BNC2: variants seen among roughly 807,000 people sequenced by gnomAD.
BNC2 encodes the protein zinc finger protein basonuclin-2.
Under a neutral mutation model 76.3 loss-of-function variants are expected in BNC2, and 20 were observed. That is an observed-to-expected ratio of 0.26 (90% CI 0.18 to 0.38). BNC2 has a LOEUF of 0.38. BNC2 is among the 10% of genes least tolerant of loss of function. The probability of loss-of-function intolerance (pLI) is 1.00; values close to 1 mark genes in which losing one functional copy is unlikely to be tolerated. For synonymous variants in BNC2, 582 were observed against 514.8 expected, an observed-to-expected ratio of 1.13 and a Z score of -1.77; for missense variants, 1,382 against 1,399.8, an observed-to-expected ratio of 0.99 and a Z score of 0.20.
chr9:16,526,255 G>GT (rs1267181574), intron 5 of BNC2, among the ~76,000 whole-genome samples: 1 of 151,938 alleles, frequency 6.6e-6, no homozygotes, highest in East Asian at 1.9e-4. Context: ...AAAGAATATG[G>GT]TATTTTTCTG....
chr9:16,526,378 C>T (rs550103319), intron 5 of BNC2, among the ~76,000 whole-genome samples: 17 of 151,356 alleles, frequency 1.1e-4, no homozygotes, highest in Non-Finnish European at 1.9e-4. Flanking sequence ...AACATAATAC[C>T]TAACTGATTT....
At chr9:16,476,070 G>A (rs569193748) in intron 5 of BNC2, 3 of 152,258 alleles carry the variant, frequency 2.0e-5, no homozygotes, top group Admixed American at 2.0e-4. Flanking sequence ...TGATGAGAAC[G>A]AGGAGTTTTG....
chr9:16,648,456 G>A (rs963539570), intron 3 of BNC2, among the ~76,000 whole-genome samples: 1 of 152,212 alleles, frequency 6.6e-6, no homozygotes, highest in African/African-American at 2.4e-5. Context: ...AGAGATGTGT[G>A]TAATGCTGGA....
intron 3 of BNC2, among the ~76,000 whole-genome samples, chr9:16,642,705 C>T (rs1674474253): frequency 6.6e-6 from 1 of 152,168 alleles, no homozygotes; most frequent in East Asian, 1.9e-4. Flanking sequence ...TGCCTTGGGG[C>T]CACATTTTTT....
At chr9:16,532,222 G>GAA (rs57317191) in intron 5 of BNC2, among the ~76,000 whole-genome samples, 5 of 142,036 alleles carry the variant, frequency 3.5e-5, no homozygotes, top group African/African-American at 1.3e-4. Flanking sequence ...GAGACATACA[G>GAA]AAAAAAAAAA....
chr9:16,645,494 A>G (rs1278944314), intron 3 of BNC2, among the ~76,000 whole-genome samples: 1 of 152,180 alleles, frequency 6.6e-6, no homozygotes, highest in African/African-American at 2.4e-5. Flanking sequence ...TACTAAACAC[A>G]TGTACATTAC....
chr9:16,504,456 C>A (rs1822584596), intron 5 of BNC2, among the ~76,000 whole-genome samples: 1 of 151,604 alleles, frequency 6.6e-6, no homozygotes. Context: ...TACTGACTCC[C>A]AAAATAGACT....
intron 5 of BNC2, among the ~76,000 whole-genome samples, chr9:16,525,353 C>T (rs971698658): frequency 2.0e-5 from 3 of 152,034 alleles, no homozygotes; most frequent in African/African-American, 7.2e-5. Context: ...ATTCACAATA[C>T]AGATATACTA....
At chr9:16,736,633 GC>G (rs1824679539) in intron 2 of BNC2, among the ~76,000 whole-genome samples, 1 of 151,554 alleles carries the variant, frequency 6.6e-6, no homozygotes, top group African/African-American at 2.4e-5. Context: ...ACACCACCAT[GC>G]CTGGGTAATT....
At chr9:16,461,650 C>G (rs1470576079) in intron 5 of BNC2, among the ~76,000 whole-genome samples, 1 of 152,026 alleles carries the variant, frequency 6.6e-6, no homozygotes, top group African/African-American at 2.4e-5. Context: ...AGGTGCAACT[C>G]CCTATCAAGG....
intron 3 of BNC2, among the ~76,000 whole-genome samples, chr9:16,629,506 T>A (rs1821098562): frequency 6.6e-6 from 1 of 152,092 alleles, no homozygotes; most frequent in African/African-American, 2.4e-5. Flanking sequence ...TTAGGGTGAA[T>A]CTAGAAATCA....
intron 1 of BNC2, among the ~76,000 whole-genome samples, chr9:16,792,947 C>T (rs1384623964): frequency 1.3e-5 from 2 of 152,196 alleles, no homozygotes; most frequent in Non-Finnish European, 2.9e-5. Flanking sequence ...TAAATATAAT[C>T]TACTCATAAG....
chr9:16,545,219 T>A (rs192969875), intron 5 of BNC2, among the ~76,000 whole-genome samples: 1 of 152,208 alleles, frequency 6.6e-6, no homozygotes, highest in African/African-American at 2.4e-5. Context: ...GATTCTTCTC[T>A]AAGAGGTACA....
intron 3 of BNC2, among the ~76,000 whole-genome samples, chr9:16,613,875 T>C (rs1820621917): frequency 6.6e-6 from 1 of 152,186 alleles, no homozygotes; most frequent in South Asian, 2.1e-4. Flanking sequence ...AGACAGGCAG[T>C]GTATTTTCAA....
chr9:16,778,933 G>A (rs1271998478), intron 1 of BNC2, among the ~76,000 whole-genome samples: 2 of 152,154 alleles, frequency 1.3e-5, no homozygotes, highest in African/African-American at 4.8e-5. Flanking sequence ...GATATTTTTA[G>A]AAATGCTCCT....
At chr9:16,590,021 G>A (rs1819880524) in intron 3 of BNC2, among the ~76,000 whole-genome samples, 1 of 152,030 alleles carries the variant, frequency 6.6e-6, no homozygotes, top group Non-Finnish European at 1.5e-5. Context: ...CACTTTGGGA[G>A]GCTGAGGCAG....
chr9:16,485,734 A>C (rs1021056510), intron 5 of BNC2, among the ~76,000 whole-genome samples: 2 of 152,148 alleles, frequency 1.3e-5, no homozygotes, highest in African/African-American at 4.8e-5. Context: ...GCTTGAGCCC[A>C]CGAGGGCGAG....
chr9:16,783,263 A>G (rs1434096733), intron 1 of BNC2, among the ~76,000 whole-genome samples: 1 of 152,184 alleles, frequency 6.6e-6, no homozygotes, highest in Non-Finnish European at 1.5e-5. Context: ...GAAAAAGTAA[A>G]TAAAACATTC....
chr9:16,680,416 A>G (rs2134285598), intron 3 of BNC2, among the ~76,000 whole-genome samples: 1 of 152,268 alleles, frequency 6.6e-6, no homozygotes, highest in East Asian at 1.9e-4. Context: ...ATAAAAATAT[A>G]AATTCACATA....
Sources: gnomAD v4.1 joint callset for allele counts (sites outside exome capture counted in the v4.1 genomes callset) on GRCh38, gnomAD v4.1.1 for gene constraint, MANE v1.5 for transcripts, NCBI Gene and HGNC (gene_info 2026-07-23, HGNC 2026-07-21) for gene names.